The following FBF1 variants were observed in gnomAD, a reference collection of about 807,000 sequenced individuals.
FBF1 encodes the protein Fas binding factor 1, also known as fas-binding factor 1.
In FBF1, 119 loss-of-function variants were observed where a neutral mutation model predicts 147.2. The ratio of observed to expected loss-of-function variants is 0.81; its 90% CI spans 0.70 to 0.94. The LOEUF (loss-of-function observed/expected upper bound fraction) is 0.94. Among genes scored for constraint, FBF1 ranks in the 40% least tolerant of loss-of-function variants. The pLI, the probability that FBF1 is intolerant of heterozygous loss-of-function variation, is 0.00. For synonymous variants in FBF1, 601 were observed against 609.0 expected (o/e 0.99, Z 0.19); for missense variants, 1,449 against 1,500.8 (o/e 0.97, Z 0.57).
chr17:75,927,667 AGCCAAGGGAGGAGTCTCCAGTTCT>A, intron 8 of FBF1, 135 bp from the exon 9 acceptor site: 1 of 724,280 alleles, frequency 1.4e-6, no homozygotes, highest in Non-Finnish European at 2.3e-6. Flanking sequence ...CCATGGGCAC[AGCCAAGGGAGGAGTCTCCAGTTCT>A]GCCATGGGCT....
In FBF1 at chr17:75,925,556, G is replaced by A; in HGVS notation, c.869-110C>T. 1.1e-6 allele frequency: 1 copy of A among 909,078 alleles called. No homozygotes were observed. The highest frequency in any genetic ancestry group is 1.6e-5 in the South Asian group (1 of 61,002). The allele number at this position is 909,078 out of a possible 1,614,324, so 56.3% of individuals were successfully genotyped here. ...TTTGGTAGCTTGTTGTGTAAGACAA[G>A]CAGAGGGAAGCTGCTGTGAAGGGAG... On this transcript the variant is annotated intron_variant, in intron 12 of 29. Coordinates refer to ENST00000636174, the MANE Select transcript of FBF1 (RefSeq NM_001319193.2). This position sits in a 1 kb window ranked among gnomAD's most constrained non-coding sequence, Gnocchi z 5.0.
At chr17:75,915,577 G>C (rs2065483706) in intron 23 of FBF1, among the ~76,000 whole-genome samples, 1 of 152,234 alleles carries the variant, frequency 6.6e-6, no homozygotes, top group South Asian at 2.1e-4. Context: ...GCTTAACACA[G>C]TTACCAAATG....
In FBF1 at chr17:75,919,744, C is replaced by T. The variant is rs1398559938; in HGVS notation, c.2062G>A (p.Ala688Thr). 1.9e-6 allele frequency: 3 copies of T among 1,613,394 alleles called. No individual in the cohort carries two copies. Among genetic ancestry groups the T allele is most frequent in the Non-Finnish European group, 1.7e-6 (2 of 1,179,892 alleles). The change falls in exon 20 of 30, where the codon GCC becomes ACC. Residue 688 changes from alanine (A) to threonine (T), a missense_variant. By Grantham distance (58) the Ala-to-Thr change is moderately conservative (BLOSUM62 0). Transcript: ENST00000636174. The surrounding 1 kb of genome is among the most constrained non-coding windows in gnomAD (Gnocchi z 5.0). ...GCCGCCAAGCGCCGCTGGTGCTGGG[C>T]CGTAAGCTCAGCACGGGCCTGTTCG... ...EAEQARAELT[A>T]QHQRRLAAIA...
At chr17:75,935,115 T>C (rs956688244) in intron 4 of FBF1, among the ~76,000 whole-genome samples, 2 of 152,114 alleles carry the variant, frequency 1.3e-5, no homozygotes, top group African/African-American at 4.8e-5. Context: ...CAAAAACCAC[T>C]GAGTTGTACA....
At position 75,918,268 on chromosome 17, in the gene FBF1, C is replaced by T. The variant is rs1191182792; in HGVS notation, c.2140G>A (p.Ala714Thr). Residue 714 changes from alanine (A) to threonine (T), a missense_variant and splice_region_variant, in exon 21 of 30, where the codon GCG (alanine) becomes ACG (threonine). Physicochemically the swap from Ala to Thr is moderately conservative, Grantham distance 58 (BLOSUM62 0). Transcript: ENST00000636174. The surrounding 1 kb of genome is among the most constrained non-coding windows in gnomAD (Gnocchi z 5.8). ...EMERLRELQR[A>T]SILDMRRDHE... ...TCTCTGCGCATGTCTAGGATGGACG[C>T]CCTGAGGGGAGGCGGGAGGGGAAGG... The T allele has an allele frequency of 6.2e-7, 1 of 1,611,724 alleles. No homozygotes were observed.
Position 75,919,199 on chromosome 17 carries a change from AC to A in FBF1, c.2138+468del, listed in dbSNP as rs1252353160. Among the ~76,000 whole-genome samples the A allele has an allele frequency of 6.6e-6, 1 of 152,092 alleles. No individual in the cohort carries two copies. Among genetic ancestry groups the A allele is most frequent in the Non-Finnish European group, 1.5e-5 (1 of 68,010 alleles). On this transcript the variant is annotated intron_variant, in intron 20 of 29. Coordinates refer to ENST00000636174, the MANE Select transcript of FBF1 (RefSeq NM_001319193.2). The surrounding 1 kb of genome is among the most constrained non-coding windows in gnomAD (Gnocchi z 5.0). ...TGGGATTACAGGTGTGAGCCACTGC[AC>A]CCGGCCCTGAGCAGTCTTAAAAGGC...
rs1003285600 is a variant in FBF1, at chr17:75,910,388, G to A, written c.*335C>T. ...CCACAACAGTCTACCTGTGGAGCAG[G>A]GGGAGCCCACAGAGCCCAGGGGGAG... On this transcript the variant is annotated 3_prime_UTR_variant, in exon 30 of 30. Transcript: ENST00000636174. This position sits in a 1 kb window ranked among gnomAD's most constrained non-coding sequence, Gnocchi z 4.1. The A allele has an allele frequency of 5.6e-6, 2 of 359,894 alleles. No homozygotes were observed. Among genetic ancestry groups the A allele is most frequent in the Admixed American group, 4.2e-5 (1 of 23,818 alleles). The allele number at this position is 359,894 out of a possible 1,614,324, so 22.3% of individuals were successfully genotyped here. A position where few individuals can be genotyped will look rare whatever the true frequency, so the allele number is the denominator to read the frequency against.
At position 75,928,297 on chromosome 17, in the gene FBF1, G is replaced by A; in HGVS notation, c.280-104C>T. 1 of 820,026 alleles carries A rather than the reference G, an allele frequency of 1.2e-6. No homozygotes were observed. Among genetic ancestry groups the A allele is most frequent in the South Asian group, 1.6e-5 (1 of 64,140 alleles). The allele number at this position is 820,026 out of a possible 1,614,324, so 50.8% of individuals were successfully genotyped here. On this transcript the variant is annotated intron_variant, in intron 7 of 29. Transcript: ENST00000636174. The surrounding 1 kb of genome is among the most constrained non-coding windows in gnomAD (Gnocchi z 4.2). ...TGGCACCCCAGGTGTAGAATTGTGA[G>A]AAAACAAAGGAAAATGAGAAAACTG... is the stretch of plus-strand genomic sequence containing the variant.
At chr17:75,937,475 A>G in intron 3 of FBF1, 91 bp downstream of exon 3, 2 of 1,517,504 alleles carry the variant, frequency 1.3e-6, no homozygotes, top group Non-Finnish European at 1.8e-6. Context: ...CGGCCCAAAA[A>G]CATTTAAATA....
Position 75,914,027 on chromosome 17 carries a change from C to G in FBF1, c.3015G>C (p.Glu1005Asp), listed in dbSNP as rs749085238. 2.2e-5 allele frequency: 35 copies of G among 1,587,504 alleles called. No individual in the cohort carries two copies. Among genetic ancestry groups the G allele is most frequent in the Middle Eastern group, 1.7e-4 (1 of 5,994 alleles). Residue 1005 changes from glutamate to aspartate, a missense_variant, in exon 27 of 30, where the codon GAG becomes GAC. Transcript: ENST00000636174. ...MSKVASEKYEEGERALREAQQ... is the reference protein window; with the variant it reads ...MSKVASEKYEDGERALREAQQ... ...GGGCCTCGCGCAATGCCCGCTCCCCCTCCTCGTACTTCTCGGAGGCCACCT... is the reference window on the plus strand; with the variant it reads ...GGGCCTCGCGCAATGCCCGCTCCCCGTCCTCGTACTTCTCGGAGGCCACCT...
chr17:75,913,622 GCTGGAGGAGGGCCTGCCCACTCCTAGCA>G (rs2144150851), intron 28 of FBF1, 52 bp downstream of exon 28: 1 of 990,360 alleles, frequency 1.0e-6, no homozygotes, highest in Non-Finnish European at 1.3e-6. Flanking sequence ...AACTGGAGCG[GCTGGAGGAGGGCCTGCCCACTCCTAGCA>G]CTGCCCCTGC....
In FBF1 at chr17:75,928,456, G is replaced by A. The variant is rs1031176695; in HGVS notation, c.280-263C>T. On this transcript the variant is annotated intron_variant, in intron 7 of 29. Transcript: ENST00000636174. The surrounding 1 kb of genome is among the most constrained non-coding windows in gnomAD (Gnocchi z 4.2). Reference sequence around the variant, plus strand: ...AAAAATTGAGTCAGAGGACTTGTGGGTTATGCCCAGGGATCCTAGGTGGCT... The same window carrying A: ...AAAAATTGAGTCAGAGGACTTGTGGATTATGCCCAGGGATCCTAGGTGGCT... Among the ~76,000 whole-genome samples the A allele has an allele frequency of 1.3e-5, 2 of 152,104 alleles. No individual in the cohort carries two copies. Among genetic ancestry groups the A allele is most frequent in the Admixed American group, 6.5e-5 (1 of 15,268 alleles).
intron 1 of FBF1, 162 bp downstream of exon 1, chr17:75,940,686 C>G (rs2144208516): frequency 6.5e-6 from 1 of 154,010 alleles, no homozygotes; most frequent in African/African-American, 2.4e-5. Context: ...ATTTTCTAGG[C>G]TTGGTTTGCC....
chr17:75,923,439 G>A lies in FBF1; in HGVS notation c.1171C>T (p.Pro391Ser). The change falls in exon 14 of 30, where the codon CCT becomes TCT. Residue 391 changes from proline to serine, a missense_variant. Pro to Ser is a moderately conservative substitution (Grantham distance 74, BLOSUM62 -1). Transcript: ENST00000636174. The surrounding 1 kb of genome is among the most constrained non-coding windows in gnomAD (Gnocchi z 4.1). ...GTGGAGTGCTGGCTCGCAGGAGGAG[G>A]CACTGAGGGCGTGACAGGCACTGAA... ...ESSVPVTPSV[P>S]PPASQHSTPA... 1 of 1,608,564 alleles carries A rather than the reference G, an allele frequency of 6.2e-7. No individual in the cohort carries two copies.
Position 75,931,301 on chromosome 17 carries a change from A to AGG in FBF1, c.168-14_168-13dup. 3.2e-6 allele frequency: 5 copies of AGG among 1,576,960 alleles called. No individual in the cohort carries two copies. Among genetic ancestry groups the AGG allele is most frequent in the Non-Finnish European group, 3.4e-6 (4 of 1,161,562 alleles). ...CACCCAGGAGGGACCTGCAAAGGGG[A>AGG]GGCGTCAGCCCCTACCTGCATCCCA... On this transcript the variant is annotated splice_polypyrimidine_tract_variant and intron_variant, in intron 5 of 29. Coordinates refer to ENST00000636174, the MANE Select transcript of FBF1 (RefSeq NM_001319193.2).
intron 25 of FBF1, 178 bp from the exon 26 acceptor site, chr17:75,914,476 G>C: frequency 2.0e-6 from 2 of 1,011,138 alleles, no homozygotes; most frequent in Non-Finnish European, 2.8e-6. Flanking sequence ...CACAAGCCAC[G>C]TGACTGTGGC....
At position 75,919,865 on chromosome 17, in the gene FBF1, G is replaced by C; in HGVS notation, c.1941C>G (p.Ile647Met). The stretch of plus-strand genomic sequence containing the variant: ...GCTGGTACGATGTTTCTAGCACCTT[G>C]ATGCGGCTTCTGCCAACAGAACACC... ...ELIESAHRSR[I>M]KVLETSYQQR... The change falls in exon 20 of 30, where the codon ATC becomes ATG. Residue 647 changes from isoleucine to methionine, a missense_variant. Ile to Met is a conservative substitution (Grantham distance 10). Transcript: ENST00000636174. This position sits in a 1 kb window ranked among gnomAD's most constrained non-coding sequence, Gnocchi z 5.0. 6.2e-7 allele frequency: 1 copy of C among 1,613,760 alleles called. No homozygotes were observed. Among genetic ancestry groups the C allele is most frequent in the African/African-American group, 1.3e-5 (1 of 75,066 alleles).
intron 3 of FBF1, among the ~76,000 whole-genome samples, chr17:75,937,213 C>T (rs913345342): frequency 1.3e-5 from 2 of 151,964 alleles, no homozygotes; most frequent in Non-Finnish European, 2.9e-5. Flanking sequence ...CTCTGTTGCC[C>T]AGGCTGGAGT....
At chr17:75,937,806 T>A in intron 2 of FBF1, 1 of 651,796 alleles carries the variant, frequency 1.5e-6, no homozygotes, top group Non-Finnish European at 2.7e-6. Context: ...CAGCGATGGG[T>A]GCCAATGGGC....
Sources: gnomAD v4.1 joint callset for allele counts (sites outside exome capture counted in the v4.1 genomes callset) on GRCh38, gnomAD v4.1.1 for gene constraint, Gnocchi (gnomAD v3.1) non-coding constraint, MANE v1.5 for transcripts, NCBI Gene and HGNC (gene_info 2026-07-23, HGNC 2026-07-21) for gene names.